The following RSF1 variants were observed in gnomAD, a reference collection of about 807,000 sequenced individuals.
RSF1 encodes the protein remodeling and spacing factor 1.
In RSF1, 13 loss-of-function variants were observed where a neutral mutation model predicts 145.2. The ratio of observed to expected loss-of-function variants is 0.09; its 90% CI spans 0.06 to 0.14. RSF1 has a LOEUF of 0.14. RSF1 is among the 10% of genes least tolerant of loss of function. The probability of loss-of-function intolerance (pLI) is 1.00; values close to 1 mark genes in which losing one functional copy is unlikely to be tolerated. For missense variants in RSF1, 1,517 were observed against 1,718.2 expected, an observed-to-expected ratio of 0.88 and a Z score of 2.07; for synonymous variants, 577 against 592.6, an observed-to-expected ratio of 0.97 and a Z score of 0.38.
intron 5 of RSF1, among the ~76,000 whole-genome samples, chr11:77,715,551 G>A (rs556028510): frequency 9.3e-4 from 142 of 152,034 alleles, no homozygotes; most frequent in South Asian, 5.2e-3. Flanking sequence ...AGGTTCAAGC[G>A]ATTCTCCTGC....
chr11:77,692,424 T>C (rs1252730669), intron 8 of RSF1, among the ~76,000 whole-genome samples: 3 of 119,634 alleles, frequency 2.5e-5, no homozygotes, highest in Non-Finnish European at 4.9e-5. Flanking sequence ...TTTTGTATTT[T>C]TAGTAGAGAC....
chr11:77,690,159 C>T (rs1333002688), intron 9 of RSF1, among the ~76,000 whole-genome samples: 1 of 113,142 alleles, frequency 8.8e-6, no homozygotes, highest in African/African-American at 3.3e-5. Context: ...GAGACTCCAT[C>T]TCAAAAAAAA....
the RSF1 span, among the ~76,000 whole-genome samples, chr11:77,863,258 C>T: frequency 7.2e-5 from 11 of 152,238 alleles, no homozygotes; most frequent in African/African-American, 1.7e-4. Context: ...TTAGCCCAAT[C>T]GGGAGCGGCA....
intron 5 of RSF1, among the ~76,000 whole-genome samples, chr11:77,716,149 A>G (rs1351583165): frequency 6.6e-6 from 1 of 152,214 alleles, no homozygotes; most frequent in African/African-American, 2.4e-5. Flanking sequence ...AAAAAAAGAA[A>G]GAGAATCCCT....
chr11:77,840,851 T>C, the RSF1 span, among the ~76,000 whole-genome samples: 1 of 152,200 alleles, frequency 6.6e-6, no homozygotes, highest in Non-Finnish European at 1.5e-5. Context: ...AAACAACTTT[T>C]CCCCCTGAAA....
At chr11:77,720,517 G>T (rs545767748) in intron 5 of RSF1, among the ~76,000 whole-genome samples, 1 of 152,264 alleles carries the variant, frequency 6.6e-6, no homozygotes, top group South Asian at 2.1e-4. Context: ...CCATAAAAGG[G>T]TATAAATGAC....
At chr11:77,709,143 T>G (rs564059357) in intron 5 of RSF1, among the ~76,000 whole-genome samples, 1 of 152,246 alleles carries the variant, frequency 6.6e-6, no homozygotes, top group East Asian at 1.9e-4. Context: ...TTCTCTGGTA[T>G]TTGCATGGCT....
At chr11:77,841,344 T>A in the RSF1 span, 1 of 628,518 alleles carries the variant, frequency 1.6e-6, no homozygotes, top group Admixed American at 2.5e-5. Flanking sequence ...AATATGTGTC[T>A]ACTTTAGTCT....
the RSF1 span, chr11:77,855,247 G>A: frequency 6.6e-6 from 1 of 152,254 alleles, no homozygotes; most frequent in Non-Finnish European, 1.5e-5. Context: ...TCTTGGTTAT[G>A]AATATTTGGC....
chr11:77,820,743 A>T (rs1466002950), upstream of RSF1: 2 of 1,532,402 alleles, frequency 1.3e-6, no homozygotes, highest in Non-Finnish European at 1.8e-6. Context: ...GGAGGAGGCG[A>T]TGGGGGGGCG....
At chr11:77,858,944 G>A in the RSF1 span, among the ~76,000 whole-genome samples, 1 of 152,188 alleles carries the variant, frequency 6.6e-6, no homozygotes, top group African/African-American at 2.4e-5. Flanking sequence ...CAGTGCAGGG[G>A]ATTATTTCTT....
chr11:77,848,177 A>T, the RSF1 span, among the ~76,000 whole-genome samples: 29 of 152,194 alleles, frequency 1.9e-4, no homozygotes, highest in African/African-American at 6.8e-4. Context: ...ACCATCAAAG[A>T]TACTTATGTG....
At chr11:77,772,168 T>C (rs1056957813) in intron 1 of RSF1, among the ~76,000 whole-genome samples, 1 of 152,166 alleles carries the variant, frequency 6.6e-6, no homozygotes, top group African/African-American at 2.4e-5. Context: ...TTGTACATTT[T>C]GTTTCTGACA....
upstream of RSF1, among the ~76,000 whole-genome samples, chr11:77,821,804 G>A (rs949033050): frequency 2.0e-5 from 3 of 152,268 alleles, no homozygotes; most frequent in African/African-American, 7.2e-5. Context: ...TGTGCAGCCT[G>A]AGAAGCAGCA....
At chr11:77,860,695 G>A in the RSF1 span, among the ~76,000 whole-genome samples, 1 of 151,940 alleles carries the variant, frequency 6.6e-6, no homozygotes, top group African/African-American at 2.4e-5. Flanking sequence ...AACAGTCCAG[G>A]TGAATTGAGA....
intron 1 of RSF1, among the ~76,000 whole-genome samples, chr11:77,799,289 C>T (rs1948604380): frequency 6.6e-6 from 1 of 151,986 alleles, no homozygotes; most frequent in South Asian, 2.1e-4. Flanking sequence ...GCGGGAGGAT[C>T]ACTGGAGCCC....
chr11:77,726,167 T>C (rs1347363210), intron 4 of RSF1, among the ~76,000 whole-genome samples: 1 of 152,252 alleles, frequency 6.6e-6, no homozygotes, highest in Non-Finnish European at 1.5e-5. Context: ...AACTTTCTGA[T>C]TACAGCAAAA....
At chr11:77,706,138 G>A (rs1173102246) in intron 5 of RSF1, among the ~76,000 whole-genome samples, 1 of 151,412 alleles carries the variant, frequency 6.6e-6, no homozygotes, top group Non-Finnish European at 1.5e-5. Context: ...CTACTCGAGA[G>A]GCTGAGGCAG....
At chr11:77,761,974 A>G (rs1463643451) in intron 2 of RSF1, 1 of 149,722 alleles carries the variant, frequency 6.7e-6, no homozygotes, top group Admixed American at 6.7e-5. Context: ...AGCTGGTACT[A>G]CAGGCATGCA....
Sources: gnomAD v4.1 joint callset for allele counts (sites outside exome capture counted in the v4.1 genomes callset) on GRCh38, gnomAD v4.1.1 for gene constraint, MANE v1.5 for transcripts, NCBI Gene and HGNC (gene_info 2026-07-23, HGNC 2026-07-21) for gene names.